The following GALNT13 variants were observed in gnomAD, a reference collection of about 807,000 sequenced individuals.
GALNT13 encodes the protein polypeptide N-acetylgalactosaminyltransferase 13, also known as UDP-GalNAc:polypeptide N-acetylgalactosaminyltransferase 13.
In GALNT13, 28 loss-of-function variants were observed where a neutral mutation model predicts 64.2. That is an observed-to-expected ratio of 0.44 (90% CI 0.32 to 0.60). GALNT13 has a LOEUF of 0.60. Among genes scored for constraint, GALNT13 ranks in the 20% least tolerant of loss-of-function variants. The pLI is 0.05. For missense variants in GALNT13, 577 were observed against 669.8 expected (o/e 0.86, Z 1.53); for synonymous variants, 214 against 224.6 (o/e 0.95, Z 0.42).
intron 4 of GALNT13, among the ~76,000 whole-genome samples, chr2:154,234,098 G>T (rs1488283495): frequency 6.6e-6 from 1 of 152,074 alleles, no homozygotes; most frequent in African/African-American, 2.4e-5. Flanking sequence ...AGCCTAGATG[G>T]TCTAGTCACC....
At chr2:153,759,353 G>C in the GALNT13 span, among the ~76,000 whole-genome samples, 1 of 152,122 alleles carries the variant, frequency 6.6e-6, no homozygotes, top group Non-Finnish European at 1.5e-5. Flanking sequence ...ATAGTGAAGA[G>C]GTGAAATTAG....
chr2:153,564,635 T>A, the GALNT13 span, among the ~76,000 whole-genome samples: 1 of 152,128 alleles, frequency 6.6e-6, no homozygotes, highest in South Asian at 2.1e-4. Context: ...TGTTTCTGAT[T>A]TATAAAAAAC....
chr2:153,668,806 C>T, the GALNT13 span, among the ~76,000 whole-genome samples: 22 of 152,212 alleles, frequency 1.4e-4, no homozygotes, highest in East Asian at 1.2e-3. Flanking sequence ...TCTTACAGAA[C>T]GGATAAGGAA....
intron 4 of GALNT13, among the ~76,000 whole-genome samples, chr2:154,191,218 G>A (rs1686558267): frequency 6.6e-6 from 1 of 152,108 alleles, no homozygotes; most frequent in African/African-American, 2.4e-5. Flanking sequence ...TTATGCAATG[G>A]GAAAAGTCAC....
the GALNT13 span, among the ~76,000 whole-genome samples, chr2:153,170,151 A>G: frequency 6.6e-6 from 1 of 152,230 alleles, no homozygotes; most frequent in Admixed American, 6.5e-5. Flanking sequence ...CTATATGATC[A>G]TAGCAAGGTC....
chr2:153,943,938 A>G (rs1171655311), intron 2 of GALNT13, among the ~76,000 whole-genome samples: 1 of 152,170 alleles, frequency 6.6e-6, no homozygotes, highest in Non-Finnish European at 1.5e-5. Flanking sequence ...AAAGTCTTCT[A>G]TTCTTAGGAG....
At chr2:153,566,650 G>A in the GALNT13 span, among the ~76,000 whole-genome samples, 15 of 152,092 alleles carry the variant, frequency 9.9e-5, no homozygotes, top group Non-Finnish European at 1.9e-4. Context: ...CACTGCGTCC[G>A]GCCTCTAATC....
At chr2:153,766,573 C>A in the GALNT13 span, among the ~76,000 whole-genome samples, 1 of 152,044 alleles carries the variant, frequency 6.6e-6, no homozygotes, top group South Asian at 2.1e-4. Flanking sequence ...GCTTATTTTA[C>A]TGGTTAATTT....
chr2:153,361,556 A>C, the GALNT13 span, among the ~76,000 whole-genome samples: 6 of 152,064 alleles, frequency 3.9e-5, no homozygotes, highest in Admixed American at 3.3e-4. Flanking sequence ...AAAACACAGC[A>C]TGAGAACCTC....
chr2:154,134,118 C>A (rs958572069), intron 3 of GALNT13, among the ~76,000 whole-genome samples: 1 of 152,128 alleles, frequency 6.6e-6, no homozygotes, highest in Non-Finnish European at 1.5e-5. Context: ...CACCTAACTG[C>A]AGGGCAGGCT....
intron 9 of GALNT13, among the ~76,000 whole-genome samples, chr2:154,386,433 T>C (rs1217405735): frequency 2.0e-5 from 3 of 152,082 alleles, no homozygotes; most frequent in Non-Finnish European, 2.9e-5. Flanking sequence ...CTTGATACTA[T>C]CTGGGTGGCC....
chr2:154,077,018 A>C (rs1701023366), intron 3 of GALNT13, among the ~76,000 whole-genome samples: 2 of 151,714 alleles, frequency 1.3e-5, no homozygotes, highest in Admixed American at 6.6e-5. Context: ...GAAGTAACAA[A>C]TATTTCTAAA....
the GALNT13 span, among the ~76,000 whole-genome samples, chr2:153,489,985 A>G: frequency 4.6e-5 from 6 of 131,784 alleles, no homozygotes; most frequent in Non-Finnish European, 8.9e-5. Context: ...TGTTTTACAC[A>G]CACACACACA....
chr2:153,277,918 C>CTTTTTTTTTTTTTTTTTTTTTTTT, the GALNT13 span, among the ~76,000 whole-genome samples: 1 of 39,224 alleles, frequency 2.5e-5, no homozygotes, highest in African/African-American at 1.0e-4. Context: ...CTTTTGTTTT[C>CTTTTTTTTTTTTTTTTTTTTTTTT]TTTTCTTTCT....
the GALNT13 span, among the ~76,000 whole-genome samples, chr2:153,365,863 C>G: frequency 6.6e-6 from 1 of 152,080 alleles, no homozygotes; most frequent in Non-Finnish European, 1.5e-5. Flanking sequence ...ACCAGAAACA[C>G]CATTTGACCC....
chr2:153,532,191 C>T, the GALNT13 span, among the ~76,000 whole-genome samples: 1 of 152,126 alleles, frequency 6.6e-6, no homozygotes, highest in Non-Finnish European at 1.5e-5. Flanking sequence ...CATGGACATC[C>T]AGGATTTTCC....
chr2:153,909,731 T>A (rs560182311), intron 2 of GALNT13, among the ~76,000 whole-genome samples: 1 of 152,322 alleles, frequency 6.6e-6, no homozygotes, highest in African/African-American at 2.4e-5. Flanking sequence ...GAATTACATT[T>A]ATTGATTTGC....
chr2:153,745,790 G>C, the GALNT13 span, among the ~76,000 whole-genome samples: 1 of 152,036 alleles, frequency 6.6e-6, no homozygotes, highest in African/African-American at 2.4e-5. Flanking sequence ...AGGCAAACAT[G>C]GCTCACTGCA....
At chr2:154,446,046 A>G (rs1472525887) in intron 12 of GALNT13, among the ~76,000 whole-genome samples, 1 of 152,108 alleles carries the variant, frequency 6.6e-6, no homozygotes, top group Admixed American at 6.6e-5. Flanking sequence ...CATGTGGAAC[A>G]CAACCCAGGT....
Sources: allele counts gnomAD v4.1 joint callset (sites outside exome capture counted in the v4.1 genomes callset), GRCh38; gene constraint gnomAD v4.1.1; transcripts MANE v1.5; gene names NCBI Gene and HGNC (gene_info 2026-07-23, HGNC 2026-07-21).